The following MMP16 variants were observed in gnomAD, a reference collection of about 807,000 sequenced individuals.
MMP16 encodes matrix metalloproteinase-16.
A neutral mutation model predicts 67.8 loss-of-function variants in MMP16; 12 were observed. The observed-to-expected ratio is 0.18, with a 90% CI of 0.11 to 0.29. The LOEUF is 0.29. Ranked by LOEUF, MMP16 falls within the 10% of genes least tolerant of loss-of-function variation. MMP16 has a pLI of 1.00. For missense variants in MMP16, 475 were observed against 765.7 expected, an observed-to-expected ratio of 0.62 and a Z score of 4.48; for synonymous variants, 249 against 255.9, an observed-to-expected ratio of 0.97 and a Z score of 0.26.
intron 3 of MMP16, among the ~76,000 whole-genome samples, chr8:88,183,573 T>TG (rs1809017265): frequency 6.6e-6 from 1 of 152,188 alleles, no homozygotes; most frequent in Non-Finnish European, 1.5e-5. Context: ...AGCTGTGCAA[T>TG]GTTGCTGAAT....
chr8:88,261,643 T>A (rs1462868541), intron 1 of MMP16, among the ~76,000 whole-genome samples: 1 of 152,068 alleles, frequency 6.6e-6, no homozygotes, highest in African/African-American at 2.4e-5. Flanking sequence ...CTGCGTATCA[T>A]CATCATACTT....
At chr8:88,285,047 C>G (rs147059004) in intron 1 of MMP16, among the ~76,000 whole-genome samples, 1 of 152,226 alleles carries the variant, frequency 6.6e-6, no homozygotes, top group East Asian at 1.9e-4. Context: ...AGCATATGTT[C>G]TTGTTGTACC....
chr8:88,324,327 C>A (rs1396120444), intron 1 of MMP16, among the ~76,000 whole-genome samples: 1 of 152,064 alleles, frequency 6.6e-6, no homozygotes, highest in Non-Finnish European at 1.5e-5. Flanking sequence ...CCTTAAAAAT[C>A]AGACAGGAAA....
intron 1 of MMP16, among the ~76,000 whole-genome samples, chr8:88,240,551 G>GT (rs1438302459): frequency 2.0e-5 from 3 of 152,102 alleles, no homozygotes; most frequent in Non-Finnish European, 4.4e-5. Context: ...CTATTGAGAA[G>GT]TATACAAGGC....
At chr8:88,102,435 C>T (rs1194555097) in intron 6 of MMP16, among the ~76,000 whole-genome samples, 2 of 151,746 alleles carry the variant, frequency 1.3e-5, no homozygotes, top group East Asian at 3.9e-4. Flanking sequence ...TGGGGCAGAG[C>T]TTCTATTTCC....
intron 8 of MMP16, among the ~76,000 whole-genome samples, chr8:88,047,220 G>C (rs1487954715): frequency 6.6e-6 from 1 of 152,102 alleles, no homozygotes; most frequent in East Asian, 1.9e-4. Flanking sequence ...ATCTTAAGCA[G>C]AATCTTGATT....
intron 3 of MMP16, 100 bp from the exon 4 acceptor site, chr8:88,168,073 CATATT>C (rs1386464897): frequency 1.2e-6 from 1 of 832,176 alleles, no homozygotes; most frequent in Non-Finnish European, 1.9e-6. Context: ...AGAAAATAGT[CATATT>C]AAATAGGAAT....
intron 4 of MMP16, among the ~76,000 whole-genome samples, chr8:88,158,724 T>A (rs201661693): frequency 7.2e-5 from 11 of 152,086 alleles, no homozygotes; most frequent in African/African-American, 1.2e-4. Context: ...GGTGTTTTAG[T>A]CATGAAGTCC....
At chr8:88,093,959 C>T (rs1014028575) in intron 6 of MMP16, among the ~76,000 whole-genome samples, 3 of 151,740 alleles carry the variant, frequency 2.0e-5, no homozygotes, top group Non-Finnish European at 4.4e-5. Context: ...TCAGAATTGG[C>T]CCAACACCCA....
intron 3 of MMP16, among the ~76,000 whole-genome samples, chr8:88,178,113 C>A (rs149823923): frequency 0.013 from 2,015 of 152,146 alleles, 27 homozygotes; most frequent in Non-Finnish European, 0.016. Flanking sequence ...AGGCTTATTA[C>A]CTCATTTCCT....
At chr8:88,205,741 T>A (rs2129803566) in intron 1 of MMP16, among the ~76,000 whole-genome samples, 1 of 152,296 alleles carries the variant, frequency 6.6e-6, no homozygotes, top group East Asian at 1.9e-4. Flanking sequence ...CCAGCAACCT[T>A]GGTTATCTTC....
chr8:88,306,101 G>T (rs1221838595), intron 1 of MMP16, among the ~76,000 whole-genome samples: 1 of 151,382 alleles, frequency 6.6e-6, no homozygotes, highest in Non-Finnish European at 1.5e-5. Flanking sequence ...ATGATAAGGG[G>T]GATGTCACCA....
intron 3 of MMP16, among the ~76,000 whole-genome samples, chr8:88,169,785 T>A (rs1044823333): frequency 3.3e-5 from 5 of 151,966 alleles, no homozygotes; most frequent in African/African-American, 4.8e-5. Flanking sequence ...AGAGCAAGTG[T>A]CAGGATATGA....
At chr8:88,310,749 T>C (rs958038683) in intron 1 of MMP16, among the ~76,000 whole-genome samples, 3 of 152,278 alleles carry the variant, frequency 2.0e-5, no homozygotes, top group Middle Eastern at 6.8e-3. Flanking sequence ...TTTGTTCTAA[T>C]GTACTGAATT....
chr8:88,207,063 A>G (rs892669874), intron 1 of MMP16, among the ~76,000 whole-genome samples: 5 of 152,342 alleles, frequency 3.3e-5, no homozygotes, highest in East Asian at 1.9e-4. Context: ...GGAAATATCA[A>G]AAAACTCTAA....
At chr8:88,142,203 C>T (rs1808223576) in intron 4 of MMP16, among the ~76,000 whole-genome samples, 1 of 152,012 alleles carries the variant, frequency 6.6e-6, no homozygotes, top group Admixed American at 6.6e-5. Context: ...AGCCACCATG[C>T]CCGGCCATAA....
chr8:88,188,268 T>C (rs1215844266), intron 2 of MMP16, among the ~76,000 whole-genome samples: 1 of 152,210 alleles, frequency 6.6e-6, no homozygotes, highest in Non-Finnish European at 1.5e-5. Flanking sequence ...TATATATGGG[T>C]ATTAATTATA....
intron 6 of MMP16, among the ~76,000 whole-genome samples, chr8:88,080,699 G>A (rs921445910): frequency 2.6e-5 from 4 of 152,158 alleles, no homozygotes; most frequent in Non-Finnish European, 5.9e-5. Flanking sequence ...GCCTCCCAAA[G>A]TGCTGGGATT....
At chr8:88,169,778 G>A (rs950066133) in intron 3 of MMP16, among the ~76,000 whole-genome samples, 1 of 152,090 alleles carries the variant, frequency 6.6e-6, no homozygotes, top group Admixed American at 6.6e-5. Context: ...CAGAGAGAGA[G>A]CAAGTGTCAG....
Sources: gnomAD v4.1 joint callset for allele counts (sites outside exome capture counted in the v4.1 genomes callset) on GRCh38, gnomAD v4.1.1 for gene constraint, MANE v1.5 for transcripts, NCBI Gene and HGNC (gene_info 2026-07-23, HGNC 2026-07-21) for gene names.